Variants in TLN2 observed in about 807,000 individuals in gnomAD.
TLN2 encodes talin-2.
Under a neutral mutation model 294.7 loss-of-function variants are expected in TLN2, and 118 were observed. That is an observed-to-expected ratio of 0.40 (90% CI 0.34 to 0.47). TLN2 has a LOEUF of 0.47. TLN2 is among the 20% of genes least tolerant of loss of function. The probability of loss-of-function intolerance (pLI) is 0.84; values close to 1 mark genes in which losing one functional copy is unlikely to be tolerated. For missense variants in TLN2, 3,083 were observed against 3,282.2 expected (o/e 0.94, Z 1.48); for synonymous variants, 1,431 against 1,304.5 (o/e 1.10, Z -2.09).
intron 2 of TLN2, among the ~76,000 whole-genome samples, chr15:62,605,329 T>A (rs2140798565): frequency 6.6e-6 from 1 of 152,364 alleles, no homozygotes; most frequent in South Asian, 2.1e-4. Flanking sequence ...TGTCTGAGTA[T>A]TTTATACGTA....
chr15:62,421,961 T>C (rs1453938225), intron 1 of TLN2, among the ~76,000 whole-genome samples: 1 of 152,056 alleles, frequency 6.6e-6, no homozygotes, highest in East Asian at 1.9e-4. Context: ...TCATTCTTTG[T>C]GTCAGACTTG....
At chr15:62,731,574 G>A (rs757521986) in intron 28 of TLN2, among the ~76,000 whole-genome samples, 3 of 152,138 alleles carry the variant, frequency 2.0e-5, no homozygotes, top group Non-Finnish European at 2.9e-5. Flanking sequence ...AAGGGTTGCT[G>A]TTTACCAGGG....
intron 9 of TLN2, among the ~76,000 whole-genome samples, chr15:62,668,054 G>A (rs1041927996): frequency 1.3e-5 from 2 of 152,088 alleles, no homozygotes; most frequent in African/African-American, 4.8e-5. Flanking sequence ...CTGAGGGTGG[G>A]GAAATGGGGA....
chr15:62,580,856 CT>C, intron 1 of TLN2, among the ~76,000 whole-genome samples: 1 of 151,646 alleles, frequency 6.6e-6, no homozygotes, highest in Non-Finnish European at 1.5e-5. Context: ...GCCCCGCCCC[CT>C]GACCCCTGGC....
At chr15:62,529,918 C>G (rs575240061) in intron 1 of TLN2, among the ~76,000 whole-genome samples, 1 of 152,168 alleles carries the variant, frequency 6.6e-6, no homozygotes, top group Non-Finnish European at 1.5e-5. Flanking sequence ...AGGCCAGGCA[C>G]CAATGGCTCA....
intron 53 of TLN2, among the ~76,000 whole-genome samples, 181 bp from the exon 54 acceptor site, chr15:62,820,305 A>ACCCCCAC (rs1189639913): frequency 4.5e-4 from 65 of 145,334 alleles, no homozygotes; most frequent in African/African-American, 1.4e-3. Context: ...CAGGATTAGC[A>ACCCCCAC]CCCCCACCCC....
At chr15:62,533,284 T>A (rs2041156333) in intron 1 of TLN2, among the ~76,000 whole-genome samples, 1 of 143,830 alleles carries the variant, frequency 7.0e-6, no homozygotes, top group Non-Finnish European at 1.5e-5. Flanking sequence ...AAAAGTGGAT[T>A]CTTGGGCCCA....
At chr15:62,595,836 G>A (rs903052940) in intron 2 of TLN2, among the ~76,000 whole-genome samples, 6 of 152,174 alleles carry the variant, frequency 3.9e-5, no homozygotes, top group African/African-American at 1.4e-4. Context: ...TTAATTACAT[G>A]TGGAATCTAA....
intron 15 of TLN2, 56 bp downstream of exon 15, chr15:62,697,924 G>A: frequency 1.3e-6 from 2 of 1,577,184 alleles, no homozygotes; most frequent in South Asian, 1.1e-5. Flanking sequence ...CCGCATGCAG[G>A]GTGGACACCA....
At chr15:62,820,445 C>CT (rs1567676240) in intron 53 of TLN2, 41 bp from the exon 54 acceptor site, 1 of 1,608,908 alleles carries the variant, frequency 6.2e-7, no homozygotes, top group Admixed American at 1.7e-5. Context: ...GCCCTGAGGT[C>CT]TGCAGCTATG....
At chr15:62,570,385 C>T (rs1327519460) in intron 1 of TLN2, among the ~76,000 whole-genome samples, 1 of 152,214 alleles carries the variant, frequency 6.6e-6, no homozygotes. Context: ...ATTCAAATAT[C>T]TAGACCCTCT....
At chr15:62,521,417 T>TA (rs1264731019) in intron 1 of TLN2, among the ~76,000 whole-genome samples, 9 of 152,292 alleles carry the variant, frequency 5.9e-5, no homozygotes, top group African/African-American at 2.2e-4. Context: ...TGGGAAACAG[T>TA]CTCAAGAGGT....
At chr15:62,801,628 CAT>C (rs2065934568) in intron 50 of TLN2, among the ~76,000 whole-genome samples, 1 of 152,152 alleles carries the variant, frequency 6.6e-6, no homozygotes, top group South Asian at 2.1e-4. Context: ...GTTTTCTTGT[CAT>C]ATCATTAAAG....
At chr15:62,746,237 A>G (rs1318128197) in intron 32 of TLN2, among the ~76,000 whole-genome samples, 1 of 152,238 alleles carries the variant, frequency 6.6e-6, no homozygotes, top group Non-Finnish European at 1.5e-5. Context: ...GAAATAGCAC[A>G]TATGTTGATA....
chr15:62,672,616 T>A (rs779814311), intron 9 of TLN2, among the ~76,000 whole-genome samples: 1 of 152,224 alleles, frequency 6.6e-6, no homozygotes, highest in Non-Finnish European at 1.5e-5. Flanking sequence ...TGATACTGGC[T>A]CCAGTATTAT....
chr15:62,723,893 A>C (rs766266545), intron 26 of TLN2, among the ~76,000 whole-genome samples: 1 of 151,940 alleles, frequency 6.6e-6, no homozygotes, highest in Non-Finnish European at 1.5e-5. Context: ...TTCAGGCTCT[A>C]ATCCCAGCAC....
intron 50 of TLN2, among the ~76,000 whole-genome samples, chr15:62,805,352 C>A (rs948181214): frequency 6.6e-6 from 1 of 152,134 alleles, no homozygotes; most frequent in African/African-American, 2.4e-5. Flanking sequence ...CAGGTTAACA[C>A]TCTAGATACG....
At chr15:62,686,371 T>C (rs1229899916) in intron 11 of TLN2, among the ~76,000 whole-genome samples, 1 of 152,196 alleles carries the variant, frequency 6.6e-6, no homozygotes, top group African/African-American at 2.4e-5. Context: ...ATCCCATCTT[T>C]CTGGCATCGT....
At chr15:62,535,555 G>C (rs1028145761) in intron 1 of TLN2, among the ~76,000 whole-genome samples, 1 of 132,140 alleles carries the variant, frequency 7.6e-6, no homozygotes, top group Non-Finnish European at 1.6e-5. Context: ...TAGATAACTT[G>C]ATTTTTTTTT....
Sources: allele counts gnomAD v4.1 joint callset (sites outside exome capture counted in the v4.1 genomes callset), GRCh38; gene constraint gnomAD v4.1.1; transcripts MANE v1.5; gene names NCBI Gene and HGNC (gene_info 2026-07-23, HGNC 2026-07-21).